The following FHOD3 variants were observed in gnomAD, a reference collection of about 807,000 sequenced individuals.
FHOD3 encodes the protein FH1/FH2 domain-containing protein 3.
Under a neutral mutation model 173.0 loss-of-function variants are expected in FHOD3, and 90 were observed. The observed-to-expected ratio is 0.52, with a 90% CI of 0.44 to 0.62. The LOEUF is 0.62. FHOD3 is among the 20% of genes least tolerant of loss of function. The pLI is 0.00. For synonymous variants in FHOD3, 828 were observed against 823.0 expected (o/e 1.01, Z -0.10); for missense variants, 1,945 against 2,034.7 (o/e 0.96, Z 0.85).
intron 4 of FHOD3, among the ~76,000 whole-genome samples, chr18:36,506,819 CA>C (rs1490142239): frequency 6.6e-6 from 1 of 152,100 alleles, no homozygotes; most frequent in Non-Finnish European, 1.5e-5. Context: ...ATTTCTAAGA[CA>C]AAAACGCTTG....
At chr18:36,753,652 A>G (rs1004970310) in intron 24 of FHOD3, among the ~76,000 whole-genome samples, 1 of 152,176 alleles carries the variant, frequency 6.6e-6, no homozygotes, top group Non-Finnish European at 1.5e-5. Flanking sequence ...TATGGCTGCT[A>G]AACCATTTTA....
At chr18:36,712,904 CA>C (rs1012003370) in intron 18 of FHOD3, among the ~76,000 whole-genome samples, 4 of 151,806 alleles carry the variant, frequency 2.6e-5, no homozygotes, top group African/African-American at 7.3e-5. Flanking sequence ...AGGGGAACAC[CA>C]GTCCAAATGA....
rs141388066 is a variant in FHOD3, at chr18:36,701,571, G to A, written c.2237-7524G>A. On this transcript the variant is annotated intron_variant, in intron 17 of 28. Transcript: ENST00000590592. ...TGTCTAACATTCATATTAAGTGCATGTCCCTGAGGGAGCATGACCACAAGG... is the reference window on the plus strand; with the variant it reads ...TGTCTAACATTCATATTAAGTGCATATCCCTGAGGGAGCATGACCACAAGG... Among the ~76,000 whole-genome samples, 1,282 of 152,286 alleles carry A rather than the reference G, an allele frequency of 8.4e-3. 20 individuals carry two copies. Among genetic ancestry groups the A allele is most frequent in the African/African-American group, 0.029 (1,195 of 41,552 alleles).
intron 5 of FHOD3, among the ~76,000 whole-genome samples, chr18:36,566,986 T>G (rs2058288826): frequency 6.6e-6 from 1 of 152,196 alleles, no homozygotes; most frequent in Admixed American, 6.5e-5. Flanking sequence ...ACTGGTCTTA[T>G]TAGATGGATT....
At chr18:36,340,793 C>T (rs1303730462) in intron 1 of FHOD3, among the ~76,000 whole-genome samples, 2 of 151,990 alleles carry the variant, frequency 1.3e-5, no homozygotes, top group Admixed American at 6.6e-5. Context: ...CCCACCACCA[C>T]GCCCGGCTAA....
intron 3 of FHOD3, among the ~76,000 whole-genome samples, chr18:36,495,807 G>A (rs2054715798): frequency 6.6e-6 from 1 of 152,224 alleles, no homozygotes; most frequent in South Asian, 2.1e-4. Context: ...AGCCTGCAGA[G>A]TAGAGAATTG....
chr18:36,663,515 C>G (rs2036953554), intron 14 of FHOD3, among the ~76,000 whole-genome samples: 1 of 152,196 alleles, frequency 6.6e-6, no homozygotes, highest in African/African-American at 2.4e-5. Context: ...ATTGCATCAT[C>G]TGCTTTTAGG....
At chr18:36,311,935 A>G (rs1169057467) in intron 1 of FHOD3, among the ~76,000 whole-genome samples, 1 of 152,084 alleles carries the variant, frequency 6.6e-6, no homozygotes, top group African/African-American at 2.4e-5. Context: ...GGTGGGCTAA[A>G]GCCTCTTTTG....
intron 19 of FHOD3, among the ~76,000 whole-genome samples, chr18:36,721,221 G>A (rs1198108146): frequency 2.6e-5 from 4 of 152,208 alleles, no homozygotes; most frequent in Non-Finnish European, 5.9e-5. Context: ...TTACCAAACT[G>A]ATTCCAGAAT....
At chr18:36,654,104 C>A (rs546144585) in intron 13 of FHOD3, among the ~76,000 whole-genome samples, 1 of 152,278 alleles carries the variant, frequency 6.6e-6, no homozygotes, top group South Asian at 2.1e-4. Context: ...CTCACCACAC[C>A]CTGCCAAGGC....
At chr18:36,475,958 T>A (rs1481573390) in intron 3 of FHOD3, among the ~76,000 whole-genome samples, 1 of 152,140 alleles carries the variant, frequency 6.6e-6, no homozygotes, top group Non-Finnish European at 1.5e-5. Flanking sequence ...GTTGACAAAA[T>A]GTACAATTAC....
chr18:36,709,370 C>T lies in FHOD3; in HGVS notation c.2512C>T (p.Leu838Phe), dbSNP rs892638487. ...GGAGAGGGAGGAGAAGGAGGACAAG[C>T]TCTCCAGGGACAGGACAACTGGTAA... is the stretch of plus-strand genomic sequence containing the variant. Reference protein sequence around the residue: ...TLEREEKEDKLSRDRTTGLWP... With the variant: ...TLEREEKEDKFSRDRTTGLWP... Residue 838 changes from leucine (L) to phenylalanine (F), a missense_variant, in exon 18 of 29, where the codon CTC (leucine) becomes TTC (phenylalanine). By Grantham distance (22) the Leu-to-Phe change is conservative (BLOSUM62 0). Coordinates refer to ENST00000590592, the MANE Select transcript of FHOD3 (RefSeq NM_001281740.3). The T allele has an allele frequency of 1.2e-6, 2 of 1,613,906 alleles. No individual in the cohort carries two copies. The highest frequency in any genetic ancestry group is 1.3e-5 in the African/African-American group (1 of 75,058).
rs928177573 is a variant in FHOD3 at position 36,616,958 on chromosome 18, G to A, written c.957+4863G>A. On this transcript the variant is annotated intron_variant, in intron 9 of 28. Coordinates refer to ENST00000590592, the MANE Select transcript of FHOD3 (RefSeq NM_001281740.3). ...GATTCAGATGTGTGCTTTCTGACCC[G>A]GAACAACAGACAAAGTCTGTAAGTG... is the stretch of plus-strand genomic sequence containing the variant. Among the ~76,000 whole-genome samples the A allele has an allele frequency of 4.6e-5, 7 of 152,042 alleles. No individual in the cohort carries two copies. In the South Asian group the frequency reaches 8.3e-4, roughly 18 times the overall value.
At chr18:36,413,960 A>G (rs992154195) in intron 3 of FHOD3, among the ~76,000 whole-genome samples, 3 of 152,138 alleles carry the variant, frequency 2.0e-5, no homozygotes, top group Admixed American at 6.5e-5. Context: ...TTATGTCTCT[A>G]TGGATTTGCC....
chr18:36,400,140 A>G (rs766918888), intron 3 of FHOD3, among the ~76,000 whole-genome samples: 3 of 152,198 alleles, frequency 2.0e-5, no homozygotes, highest in Non-Finnish European at 2.9e-5. Flanking sequence ...GTTTATGGGT[A>G]ATTTTAATTA....
rs191226542 is a variant in FHOD3, at chr18:36,356,798, G to C, written c.272+1153G>C. ...CTACAGGCGTGTGCCACCACGCCCT[G>C]CTAATTTTTGTATTTTTTAGTAGAG... On this transcript the variant is annotated intron_variant, in intron 2 of 28. Coordinates refer to ENST00000590592, the MANE Select transcript of FHOD3 (RefSeq NM_001281740.3). 1.3e-3 allele frequency among the ~76,000 whole-genome samples: 202 copies of C among 151,944 alleles called. 1 individual carries two copies. The highest frequency in any genetic ancestry group is 4.7e-3 in the African/African-American group (195 of 41,460).
At chr18:36,514,014 CTTT>C (rs58493993) in intron 5 of FHOD3, among the ~76,000 whole-genome samples, 2 of 104,638 alleles carry the variant, frequency 1.9e-5, no homozygotes, top group Non-Finnish European at 1.9e-5. Context: ...TATTTCTATT[CTTT>C]TTTTTTTTTG....
At chr18:36,591,490 C>G (rs1331316974) in intron 6 of FHOD3, among the ~76,000 whole-genome samples, 1 of 152,218 alleles carries the variant, frequency 6.6e-6, no homozygotes, top group Non-Finnish European at 1.5e-5. Context: ...CTACCCTTCA[C>G]ACATATGCTG....
intron 3 of FHOD3, among the ~76,000 whole-genome samples, chr18:36,436,191 G>A (rs2050798124): frequency 6.6e-6 from 1 of 152,172 alleles, no homozygotes; most frequent in Non-Finnish European, 1.5e-5. Flanking sequence ...GAAAAGTTCT[G>A]TGGAAAATAA....
Sources: gnomAD v4.1 joint callset for allele counts (sites outside exome capture counted in the v4.1 genomes callset) on GRCh38, gnomAD v4.1.1 for gene constraint, MANE v1.5 for transcripts, NCBI Gene and HGNC (gene_info 2026-07-23, HGNC 2026-07-21) for gene names.